Variants in PPP1R14C observed in about 807,000 individuals in gnomAD.
The protein encoded by PPP1R14C is protein phosphatase 1 regulatory subunit 14C.
PPP1R14C carries 16 observed loss-of-function variants against 20.4 expected under a neutral mutation model. That is an observed-to-expected ratio of 0.78 (90% CI 0.53 to 1.19). The LOEUF is 1.19. Ranked by LOEUF, PPP1R14C falls within the 50% of genes most tolerant of loss-of-function variation. The pLI is 0.00. For missense variants in PPP1R14C, 211 were observed against 220.1 expected, an observed-to-expected ratio of 0.96 and a Z score of 0.26; for synonymous variants, 91 against 91.0, an observed-to-expected ratio of 1.00 and a Z score of 0.00.
chr6:150,148,839 G>A (rs1202285955), intron 1 of PPP1R14C, among the ~76,000 whole-genome samples: 3 of 152,128 alleles, frequency 2.0e-5, no homozygotes, highest in Non-Finnish European at 4.4e-5. Context: ...CAGCACTGAC[G>A]GATCGCTTGA....
intron 1 of PPP1R14C, chr6:150,195,214 C>T (rs1235272712): frequency 2.1e-6 from 2 of 963,438 alleles, no homozygotes; most frequent in African/African-American, 3.5e-5. Flanking sequence ...GGTTTATTCA[C>T]TCAATAACAA....
intron 3 of PPP1R14C, among the ~76,000 whole-genome samples, chr6:150,224,474 T>C (rs1487095983): frequency 6.6e-6 from 1 of 152,228 alleles, no homozygotes; most frequent in Non-Finnish European, 1.5e-5. Context: ...TCTTCCTATC[T>C]ATGAACATAG....
At chr6:150,204,660 G>C (rs535613457) in intron 1 of PPP1R14C, among the ~76,000 whole-genome samples, 3 of 152,302 alleles carry the variant, frequency 2.0e-5, no homozygotes, top group Non-Finnish European at 4.4e-5. Flanking sequence ...CATTTTACAG[G>C]TGTGGGAACT....
chr6:150,151,614 T>C (rs1029952268), intron 1 of PPP1R14C, among the ~76,000 whole-genome samples: 5 of 152,244 alleles, frequency 3.3e-5, no homozygotes, highest in Admixed American at 2.6e-4. Flanking sequence ...AACCCAGCTC[T>C]CAGGTGACAG....
chr6:150,216,090 G>A (rs921435887), intron 2 of PPP1R14C, among the ~76,000 whole-genome samples: 6 of 152,226 alleles, frequency 3.9e-5, no homozygotes, highest in Non-Finnish European at 7.3e-5. Flanking sequence ...GGCCATCCTG[G>A]ATTTGAGCTA....
chr6:150,232,054 A>T (rs1778302285), intron 3 of PPP1R14C, among the ~76,000 whole-genome samples: 1 of 152,206 alleles, frequency 6.6e-6, no homozygotes, highest in African/African-American at 2.4e-5. Context: ...CACCAACAGG[A>T]TATAAGAATT....
intron 1 of PPP1R14C, among the ~76,000 whole-genome samples, chr6:150,154,770 T>C (rs1777288346): frequency 6.6e-6 from 1 of 152,160 alleles, no homozygotes; most frequent in African/African-American, 2.4e-5. Context: ...GACTAGAACG[T>C]AAGGATTAGA....
intron 1 of PPP1R14C, among the ~76,000 whole-genome samples, chr6:150,144,725 C>A (rs1186720886): frequency 6.6e-6 from 1 of 152,200 alleles, no homozygotes; most frequent in African/African-American, 2.4e-5. Context: ...TTACTGACTA[C>A]TGATAAATGA....
chr6:150,148,906 A>G (rs1295225782), intron 1 of PPP1R14C, among the ~76,000 whole-genome samples: 1 of 152,132 alleles, frequency 6.6e-6, no homozygotes, highest in East Asian at 1.9e-4. Context: ...TCTACAAAAA[A>G]TACAAAAATT....
At chr6:150,246,149 AT>A (rs1778488743) in intron 3 of PPP1R14C, among the ~76,000 whole-genome samples, 1 of 152,190 alleles carries the variant, frequency 6.6e-6, no homozygotes, top group Non-Finnish European at 1.5e-5. Context: ...CCAAATTTAA[AT>A]TTGATTGTCA....
intron 1 of PPP1R14C, among the ~76,000 whole-genome samples, chr6:150,176,952 T>C (rs1777569559): frequency 6.6e-6 from 1 of 152,190 alleles, no homozygotes; most frequent in African/African-American, 2.4e-5. Flanking sequence ...CACCCTCCAG[T>C]GATCCGGCCT....
At chr6:150,195,241 G>T (rs1387200166) in intron 1 of PPP1R14C, 2 of 811,062 alleles carry the variant, frequency 2.5e-6, no homozygotes, top group Non-Finnish European at 1.5e-6. Flanking sequence ...GTATATGTGT[G>T]TGTGTGGATA....
chr6:150,169,520 G>A (rs1323461335), intron 1 of PPP1R14C, among the ~76,000 whole-genome samples: 1 of 152,182 alleles, frequency 6.6e-6, no homozygotes, highest in African/African-American at 2.4e-5. Context: ...TCTCCAAACT[G>A]CTGTTAAAAG....
rs150451859 is a variant in PPP1R14C at position 150,217,308 on chromosome 6, G to A, written c.423+452G>A. On this transcript the variant is annotated intron_variant, in intron 3 of 3. Coordinates refer to ENST00000361131, the MANE Select transcript of PPP1R14C (RefSeq NM_030949.3). ...CCTCCTGAGTTCAACCAATTCTCCC[G>A]CCTCAGCCTCCTGAGTAGCTGGGAT... 7.3e-3 allele frequency among the ~76,000 whole-genome samples: 1,106 copies of A among 150,742 alleles called. 43 individuals are homozygous for A. The highest frequency in any genetic ancestry group is 0.062 in the Admixed American group (939 of 15,030).
intron 1 of PPP1R14C, among the ~76,000 whole-genome samples, chr6:150,149,455 C>CTTTTTTTTT (rs869244401): frequency 5.1e-4 from 18 of 35,472 alleles, no homozygotes; most frequent in African/African-American, 1.2e-3. Context: ...TTTTTTTTTT[C>CTTTTTTTTT]TTTTTTTTTT....
At chr6:150,234,763 C>T (rs545327473) in intron 3 of PPP1R14C, among the ~76,000 whole-genome samples, 8 of 144,816 alleles carry the variant, frequency 5.5e-5, no homozygotes, top group Non-Finnish European at 9.0e-5. Flanking sequence ...GCAAGAGAAT[C>T]GCTTGAACCT....
intron 1 of PPP1R14C, among the ~76,000 whole-genome samples, chr6:150,190,076 T>C (rs989902542): frequency 2.0e-5 from 3 of 152,198 alleles, no homozygotes; most frequent in African/African-American, 4.8e-5. Flanking sequence ...TCTCCCTTGA[T>C]GCCTGACCCA....
At chr6:150,223,996 T>C (rs1399137073) in intron 3 of PPP1R14C, among the ~76,000 whole-genome samples, 2 of 152,214 alleles carry the variant, frequency 1.3e-5, no homozygotes, top group Non-Finnish European at 2.9e-5. Flanking sequence ...TTACATTAGG[T>C]CCATGTGCGA....
At chr6:150,173,346 T>C (rs1428770714) in intron 1 of PPP1R14C, among the ~76,000 whole-genome samples, 5 of 151,776 alleles carry the variant, frequency 3.3e-5, no homozygotes, top group Admixed American at 6.6e-5. Flanking sequence ...CTTTTTTTTT[T>C]CCATCCCTAT....
Sources: gnomAD v4.1 joint callset for allele counts (sites outside exome capture counted in the v4.1 genomes callset) on GRCh38, gnomAD v4.1.1 for gene constraint, MANE v1.5 for transcripts, NCBI Gene and HGNC (gene_info 2026-07-23, HGNC 2026-07-21) for gene names.